The following SCAPER variants were observed in gnomAD, a reference collection of about 807,000 sequenced individuals.
SCAPER encodes S-phase cyclin A associated protein in the ER, also known as S phase cyclin A-associated protein in the endoplasmic reticulum.
A neutral mutation model predicts 182.2 loss-of-function variants in SCAPER; 98 were observed. That is an observed-to-expected ratio of 0.54 (90% CI 0.46 to 0.64). SCAPER has a LOEUF of 0.64. SCAPER is among the 30% of genes least tolerant of loss of function. SCAPER has a pLI of 0.00. For missense variants in SCAPER, 1,432 were observed against 1,690.0 expected (o/e 0.85, Z 2.68); for synonymous variants, 605 against 564.6 (o/e 1.07, Z -1.01).
At position 76,604,458 on chromosome 15, in the gene SCAPER, G is replaced by A. The variant is rs1170055699; in HGVS notation, c.2711+17306C>T. On this transcript the variant is annotated intron_variant, in intron 22 of 31. Transcript: ENST00000563290. ...TAGTATAGTTTGAAGTCAGGTAAGC[G>A]GGATGCCTCCAGCTTCGTTCTTTTG... Among the ~76,000 whole-genome samples the A allele has an allele frequency of 1.7e-5, 2 of 120,050 alleles. 1 individual carries two copies. Among genetic ancestry groups the A allele is most frequent in the Admixed American group, 1.9e-4 (2 of 10,452 alleles). The allele number at this position is 120,050 out of a possible 152,430, so 78.8% of individuals were successfully genotyped here. A position where few individuals can be genotyped will look rare whatever the true frequency, so the allele number is the denominator to read the frequency against.
At chr15:76,615,842 T>C (rs547689715) in intron 22 of SCAPER, among the ~76,000 whole-genome samples, 1 of 145,198 alleles carries the variant, frequency 6.9e-6, no homozygotes, top group African/African-American at 2.5e-5. Flanking sequence ...AAAAAGAATA[T>C]ACAAATGTCC....
chr15:76,702,112 G>A (rs1041580540), intron 19 of SCAPER, among the ~76,000 whole-genome samples: 3 of 152,016 alleles, frequency 2.0e-5, no homozygotes, highest in Non-Finnish European at 4.4e-5. Context: ...GCAGTGAGCT[G>A]AGATCGTGCC....
At chr15:76,519,650 T>C (rs765454770) in intron 23 of SCAPER, among the ~76,000 whole-genome samples, 5 of 152,182 alleles carry the variant, frequency 3.3e-5, no homozygotes, top group Admixed American at 1.3e-4. Flanking sequence ...CTGCCAGAGT[T>C]TGGATCTTAA....
chr15:76,894,429 C>T (rs926913781), intron 1 of SCAPER, among the ~76,000 whole-genome samples: 2 of 151,776 alleles, frequency 1.3e-5, no homozygotes, highest in Admixed American at 1.3e-4. Context: ...TAGCAAGATC[C>T]CATCTATGAA....
intron 23 of SCAPER, among the ~76,000 whole-genome samples, chr15:76,506,899 T>C (rs1480972994): frequency 1.3e-5 from 2 of 152,220 alleles, no homozygotes; most frequent in Non-Finnish European, 2.9e-5. Flanking sequence ...TTACGATCTG[T>C]ATATAATTCT....
chr15:76,390,307 T>A (rs1363019305), intron 27 of SCAPER, among the ~76,000 whole-genome samples: 1 of 152,142 alleles, frequency 6.6e-6, no homozygotes, highest in Admixed American at 6.5e-5. Context: ...TAACAGATGA[T>A]GAAAACGGAA....
At chr15:76,902,443 C>G (rs2074838593) in intron 1 of SCAPER, among the ~76,000 whole-genome samples, 2 of 151,954 alleles carry the variant, frequency 1.3e-5, no homozygotes, top group Admixed American at 1.3e-4. Context: ...ATCAATTTAC[C>G]CATGTAACAA....
At chr15:76,615,325 G>GT (rs1474126692) in intron 22 of SCAPER, among the ~76,000 whole-genome samples, 2 of 151,460 alleles carry the variant, frequency 1.3e-5, no homozygotes, top group African/African-American at 4.9e-5. Context: ...CACTCCTGTA[G>GT]TCCCAAGCTA....
chr15:76,656,759 A>G (rs1010124080), intron 21 of SCAPER, among the ~76,000 whole-genome samples: 7 of 152,170 alleles, frequency 4.6e-5, no homozygotes, highest in Admixed American at 4.6e-4. Flanking sequence ...AAAACCATAC[A>G]ATGAAATGGA....
intron 7 of SCAPER, among the ~76,000 whole-genome samples, chr15:76,799,137 A>G (rs949877333): frequency 1.3e-5 from 2 of 152,220 alleles, no homozygotes; most frequent in Non-Finnish European, 2.9e-5. Context: ...ACAATGTATG[A>G]TATGTATTAA....
intron 5 of SCAPER, among the ~76,000 whole-genome samples, chr15:76,822,704 T>C (rs1287399344): frequency 1.3e-5 from 2 of 152,204 alleles, no homozygotes; most frequent in African/African-American, 4.8e-5. Context: ...GACAATACAC[T>C]CTACACACTT....
At position 76,771,797 on chromosome 15, in the gene SCAPER, A is replaced by T. The variant is rs1342526036; in HGVS notation, c.1193T>A (p.Phe398Tyr). 1.2e-6 allele frequency: 2 copies of T among 1,613,168 alleles called. No homozygotes were observed. The highest frequency in any genetic ancestry group is 1.7e-6 in the Non-Finnish European group (2 of 1,179,428). Reference sequence around the variant, plus strand: ...TTCTATCCTTGCTTTCTCTGCTGGAAATTTTTCTTCATTTACTTGTAAAGG... The same window carrying T: ...TTCTATCCTTGCTTTCTCTGCTGGATATTTTTCTTCATTTACTTGTAAAGG... ...TPPLQVNEEK[F>Y]PAEKARIENE... is the part of the protein sequence containing the mutation. Residue 398 changes from phenylalanine (F) to tyrosine (Y), a missense_variant, in exon 10 of 32, where the codon TTT (phenylalanine) becomes TAT (tyrosine). Around this residue, in one of 5 missense-constraint regions of SCAPER, gnomAD observed 480 missense variants for 510.2 expected, o/e 0.94. Transcript: ENST00000563290.
At chr15:76,613,862 G>A (rs551909316) in intron 22 of SCAPER, among the ~76,000 whole-genome samples, 3 of 152,248 alleles carry the variant, frequency 2.0e-5, no homozygotes, top group Non-Finnish European at 4.4e-5. Context: ...ATTCCTCAAA[G>A]GGCCTAAAGA....
chr15:76,736,882 G>T (rs2061299865), intron 15 of SCAPER: 2 of 162,022 alleles, frequency 1.2e-5, no homozygotes, highest in Non-Finnish European at 2.7e-5. Context: ...TTCTCAAGAG[G>T]TATCTCGTTT....
At chr15:76,568,425 G>A (rs952745773) in intron 23 of SCAPER, among the ~76,000 whole-genome samples, 1 of 151,830 alleles carries the variant, frequency 6.6e-6, no homozygotes, top group Non-Finnish European at 1.5e-5. Flanking sequence ...GCGCGATCTT[G>A]GCTCACTGCA....
chr15:76,705,106 T>C (rs1002328364), intron 18 of SCAPER, among the ~76,000 whole-genome samples: 57 of 152,152 alleles, frequency 3.7e-4, no homozygotes, highest in African/African-American at 1.1e-3. Flanking sequence ...CATATGTTTA[T>C]TGCGGCACTA....
chr15:76,860,905 G>C (rs995749302), intron 3 of SCAPER, among the ~76,000 whole-genome samples: 76 of 152,254 alleles, frequency 5.0e-4, no homozygotes, highest in African/African-American at 1.8e-3. Flanking sequence ...GTAAGGAACA[G>C]GAGCCAAGTT....
intron 23 of SCAPER, among the ~76,000 whole-genome samples, chr15:76,540,630 C>A (rs2044656565): frequency 6.6e-6 from 1 of 151,476 alleles, no homozygotes; most frequent in Non-Finnish European, 1.5e-5. Flanking sequence ...ATTGTTATGT[C>A]TGAGGAGAGA....
At chr15:76,511,843 ATGTG>A (rs1555461783) in intron 23 of SCAPER, among the ~76,000 whole-genome samples, 24 of 123,294 alleles carry the variant, frequency 1.9e-4, no homozygotes, top group Non-Finnish European at 2.7e-4. Flanking sequence ...ATATATATAT[ATGTG>A]TGTGTGTGTG....
Sources: allele counts gnomAD v4.1 joint callset (sites outside exome capture counted in the v4.1 genomes callset), GRCh38; gene constraint gnomAD v4.1.1; regional missense constraint gnomAD v4.1.1; transcripts MANE v1.5; gene names NCBI Gene and HGNC (gene_info 2026-07-23, HGNC 2026-07-21).